Variants in ITGA1 observed in about 807,000 individuals in gnomAD.
The protein encoded by ITGA1 is integrin subunit alpha 1.
ITGA1 carries 85 observed loss-of-function variants against 145.9 expected under a neutral mutation model. The observed-to-expected ratio is 0.58, with a 90% CI of 0.49 to 0.70. The LOEUF (loss-of-function observed/expected upper bound fraction) is 0.70. Among genes scored for constraint, ITGA1 ranks in the 30% least tolerant of loss-of-function variants. The pLI is 0.00. For missense variants in ITGA1, 1,351 were observed against 1,418.7 expected, an observed-to-expected ratio of 0.95 and a Z score of 0.77; for synonymous variants, 520 against 495.3, an observed-to-expected ratio of 1.05 and a Z score of -0.66.
chr5:52,796,582 T>C (rs1748347783), intron 1 of ITGA1, among the ~76,000 whole-genome samples: 1 of 152,010 alleles, frequency 6.6e-6, no homozygotes, highest in Non-Finnish European at 1.5e-5. Context: ...TTAAGTGAAA[T>C]ACAGTCAATA....
At chr5:52,900,271 A>T (rs756297798) in intron 11 of ITGA1, among the ~76,000 whole-genome samples, 1 of 152,214 alleles carries the variant, frequency 6.6e-6, no homozygotes, top group African/African-American at 2.4e-5. Flanking sequence ...GGCTTCTGTT[A>T]TATGTAGAAT....
At position 52,957,266 on chromosome 5, in the gene ITGA1, T is replaced by G. The variant is rs1751318790; in HGVS notation, c.*4815T>G. 6.6e-6 allele frequency: 1 copy of G among 152,144 alleles called. No homozygotes were observed. Among genetic ancestry groups the G allele is most frequent in the South Asian group, 2.1e-4 (1 of 4,826 alleles). 9.4% of individuals were successfully genotyped at this position (152,144 alleles called of 1,614,324 possible). A position where few individuals can be genotyped will look rare whatever the true frequency, so the allele number is the denominator to read the frequency against. ...GTTCCTAACTAATGGGAATGGATCC[T>G]TTTCCCATTATAAAGGGCCGATGCT... is the stretch of plus-strand genomic sequence containing the variant. On this transcript the variant is annotated 3_prime_UTR_variant, in exon 29 of 29. Coordinates refer to ENST00000282588, the MANE Select transcript of ITGA1 (RefSeq NM_181501.2).
In ITGA1 at chr5:52,794,645, GT is replaced by G. The variant is rs200059931; in HGVS notation, c.61+6233del. On this transcript the variant is annotated intron_variant, in intron 1 of 28. Transcript: ENST00000282588. ...AAATTTAGATAGTGAGTGAGTACAA[GT>G]TCCTTAAAAAAAAAAACAAATAAAA... Among the ~76,000 whole-genome samples the G allele has an allele frequency of 7.9e-3, 1,177 of 149,000 alleles. 6 individuals are homozygous for G. The highest frequency in any genetic ancestry group is 0.012 in the Non-Finnish European group (830 of 67,050).
chr5:52,821,285 T>A (rs1301354058), intron 1 of ITGA1, among the ~76,000 whole-genome samples: 1 of 152,204 alleles, frequency 6.6e-6, no homozygotes, highest in Admixed American at 6.5e-5. Flanking sequence ...CAAAGTTATC[T>A]CCAGTGGTCT....
chr5:52,910,858 C>T (rs1049120801), intron 14 of ITGA1, among the ~76,000 whole-genome samples: 1 of 139,508 alleles, frequency 7.2e-6, no homozygotes, highest in Admixed American at 7.4e-5. Flanking sequence ...TGTATATATA[C>T]ACACTATATA....
At chr5:52,801,341 C>A in intron 1 of ITGA1, 2 of 1,372,900 alleles carry the variant, frequency 1.5e-6, no homozygotes, top group Non-Finnish European at 1.0e-6. Flanking sequence ...TGGCTTTAAG[C>A]CTTTGTGAGC....
At chr5:52,801,709 G>A (rs377278232) in intron 1 of ITGA1, 3 of 1,614,092 alleles carry the variant, frequency 1.9e-6, no homozygotes, top group Admixed American at 1.7e-5. Flanking sequence ...TGCAGGCACC[G>A]TTAGGATATT....
chr5:52,941,702 A>G (rs1199177672), intron 26 of ITGA1, among the ~76,000 whole-genome samples: 1 of 152,166 alleles, frequency 6.6e-6, no homozygotes, highest in African/African-American at 2.4e-5. Context: ...ATAGTTTGCA[A>G]TTATTTTCTC....
At chr5:52,903,288 G>T (rs76124398) in intron 11 of ITGA1, 1 of 152,032 alleles carries the variant, frequency 6.6e-6, no homozygotes, top group Non-Finnish European at 1.5e-5. Flanking sequence ...TCTTAGCAGA[G>T]TGGCATGAAA....
chr5:52,916,206 C>T (rs1402542417), intron 15 of ITGA1, among the ~76,000 whole-genome samples: 2 of 152,034 alleles, frequency 1.3e-5, no homozygotes, highest in African/African-American at 4.8e-5. Context: ...ACTAAATATC[C>T]TATTTCAAAA....
rs555680784 is a variant in ITGA1, at chr5:52,840,501, A to C, written c.62-8864A>C. ...CTGCAGCTTTTTTATTTGGTGAAAC[A>C]TAGATCCGAAAGATGATGCTGATGT... On this transcript the variant is annotated intron_variant, in intron 1 of 28. Coordinates refer to ENST00000282588, the MANE Select transcript of ITGA1 (RefSeq NM_181501.2). 2.2e-4 allele frequency among the ~76,000 whole-genome samples: 34 copies of C among 152,296 alleles called. 1 individual carries two copies. Among genetic ancestry groups the C allele is most frequent in the Admixed American group, 1.2e-3 (19 of 15,288 alleles).
At position 52,877,063 on chromosome 5, in the gene ITGA1, A is replaced by G. The variant is rs147572395; in HGVS notation, c.625-4810A>G. 3.3e-3 allele frequency among the ~76,000 whole-genome samples: 508 copies of G among 152,332 alleles called. 6 individuals carry two copies. The highest frequency in any genetic ancestry group is 0.011 in the African/African-American group (473 of 41,582). On this transcript the variant is annotated intron_variant, in intron 6 of 28. Coordinates refer to ENST00000282588, the MANE Select transcript of ITGA1 (RefSeq NM_181501.2). ...AGAGGAGAAAACTGGATTTTAACAT[A>G]TGGACCTAGTATTTCAAGGAGTAGC...
intron 13 of ITGA1, among the ~76,000 whole-genome samples, chr5:52,909,890 A>G (rs1319398239): frequency 6.6e-6 from 1 of 151,958 alleles, no homozygotes; most frequent in Non-Finnish European, 1.5e-5. Flanking sequence ...TTAAGGATAT[A>G]ATATTATTTG....
chr5:52,886,470 CA>C (rs1223731951), intron 7 of ITGA1, among the ~76,000 whole-genome samples: 2 of 152,254 alleles, frequency 1.3e-5, no homozygotes, highest in East Asian at 3.9e-4. Flanking sequence ...AAATCTATCC[CA>C]AATGGCAGCT....
chr5:52,825,326 A>T (rs1429947500), intron 1 of ITGA1: 1 of 152,210 alleles, frequency 6.6e-6, no homozygotes, highest in Non-Finnish European at 1.5e-5. Flanking sequence ...TGTGCTTCAT[A>T]GATACTGCGT....
intron 15 of ITGA1, among the ~76,000 whole-genome samples, chr5:52,916,498 A>G (rs1272488257): frequency 1.3e-5 from 2 of 152,210 alleles, no homozygotes; most frequent in African/African-American, 4.8e-5. Flanking sequence ...AAAGGTGAAG[A>G]TAGAGAGGTG....
At chr5:52,950,580 GT>G (rs1451777752) in intron 28 of ITGA1, among the ~76,000 whole-genome samples, 1 of 152,088 alleles carries the variant, frequency 6.6e-6, no homozygotes, top group Non-Finnish European at 1.5e-5. Context: ...AACTCTATTG[GT>G]TTCAAATTTG....
At chr5:52,911,815 G>A (rs1750548480) in intron 14 of ITGA1, among the ~76,000 whole-genome samples, 1 of 134,548 alleles carries the variant, frequency 7.4e-6, no homozygotes, top group Non-Finnish European at 1.5e-5. Context: ...TATATATGGT[G>A]TATCTACTAT....
chr5:52,866,263 T>C (rs931409392), intron 6 of ITGA1, among the ~76,000 whole-genome samples: 1 of 151,942 alleles, frequency 6.6e-6, no homozygotes, highest in Non-Finnish European at 1.5e-5. Flanking sequence ...TTGATACACC[T>C]GTCTCTGCCT....
Sources: gnomAD v4.1 joint callset for allele counts (sites outside exome capture counted in the v4.1 genomes callset) on GRCh38, gnomAD v4.1.1 for gene constraint, MANE v1.5 for transcripts, NCBI Gene and HGNC (gene_info 2026-07-23, HGNC 2026-07-21) for gene names.